The following WASF3 variants were observed in gnomAD, a reference collection of about 807,000 sequenced individuals.
WASF3 encodes actin-binding protein WASF3.
WASF3 carries 11 observed loss-of-function variants against 46.6 expected under a neutral mutation model. The ratio of observed to expected loss-of-function variants is 0.24; its 90% CI spans 0.15 to 0.39. The LOEUF (loss-of-function observed/expected upper bound fraction) is 0.39, where lower values mean the gene tolerates loss of function less well. Ranked by LOEUF, WASF3 falls within the 10% of genes least tolerant of loss-of-function variation. The probability of loss-of-function intolerance (pLI) is 1.00; values close to 1 mark genes in which losing one functional copy is unlikely to be tolerated. For synonymous variants in WASF3, 242 were observed against 259.7 expected (o/e 0.93, Z 0.65); for missense variants, 576 against 669.8 (o/e 0.86, Z 1.55).
chr13:26,665,109 G>A lies in WASF3; in HGVS notation c.215G>A (p.Arg72Lys). Residue 72 changes from arginine to lysine, a missense_variant, in exon 4 of 10, where the codon AGA becomes AAA. By Grantham distance (26) the Arg-to-Lys change is conservative. Around this residue, in one of 3 missense-constraint regions of WASF3, gnomAD observed 213 missense variants for 278.0 expected, o/e 0.77. Coordinates refer to ENST00000335327, the MANE Select transcript of WASF3 (RefSeq NM_006646.6). Reference sequence around the variant, plus strand: ...ATCAGAGCAAATTCTCTTCAAGACAGAATTGATCGCCTTGCTGTCAAAGTC... The same window carrying A: ...ATCAGAGCAAATTCTCTTCAAGACAAAATTGATCGCCTTGCTGTCAAAGTC... The part of the protein sequence containing the change: ...FYIRANSLQD[R>K]IDRLAVKVTQ... 2 of 1,614,158 alleles carry A rather than the reference G, an allele frequency of 1.2e-6. No homozygotes were observed. The highest frequency in any genetic ancestry group is 2.2e-5 in the South Asian group (2 of 91,084).
intron 2 of WASF3, among the ~76,000 whole-genome samples, chr13:26,624,374 G>A (rs868811616): frequency 3.3e-5 from 5 of 152,098 alleles, no homozygotes; most frequent in Non-Finnish European, 5.9e-5. Flanking sequence ...ATATAAAAAG[G>A]AACAGTGAAA....
At chr13:26,607,933 G>C (rs989258456) in intron 1 of WASF3, among the ~76,000 whole-genome samples, 16 of 152,202 alleles carry the variant, frequency 1.1e-4, no homozygotes, top group Non-Finnish European at 1.8e-4. Context: ...ACCGTACCCA[G>C]CTGAGTTCAG....
At position 26,569,473 on chromosome 13, in the gene WASF3, C is replaced by T. The variant is rs116244222; in HGVS notation, c.-109+11654C>T. Among the ~76,000 whole-genome samples, 866 of 152,098 alleles carry T rather than the reference C, an allele frequency of 5.7e-3. 10 individuals carry two copies. The highest frequency in any genetic ancestry group is 0.02 in the African/African-American group (819 of 41,498). ...TATCCCATGATCAAAGAAGATATTA[C>T]GGTGAGAATTAGAAAATTTTACAAA... On this transcript the variant is annotated intron_variant, in intron 1 of 9. Transcript: ENST00000335327.
chr13:26,657,870 A>G (rs192252822), intron 3 of WASF3, among the ~76,000 whole-genome samples: 129 of 152,330 alleles, frequency 8.5e-4, no homozygotes, highest in African/African-American at 3.0e-3. Flanking sequence ...TTCTCTTCAG[A>G]CACTTGTCAG....
the WASF3 span, among the ~76,000 whole-genome samples, chr13:26,552,465 G>A: frequency 4.0e-4 from 61 of 152,116 alleles, no homozygotes; most frequent in Middle Eastern, 3.4e-3. Context: ...ACGTAGATAT[G>A]GATATGTATG....
At chr13:26,634,048 T>G (rs1881739751) in intron 2 of WASF3, among the ~76,000 whole-genome samples, 2 of 152,218 alleles carry the variant, frequency 1.3e-5, no homozygotes, top group African/African-American at 4.8e-5. Flanking sequence ...ATATCCTTGT[T>G]AACCTTCTGT....
chr13:26,637,195 C>A (rs946821405), intron 2 of WASF3, among the ~76,000 whole-genome samples: 1 of 152,182 alleles, frequency 6.6e-6, no homozygotes, highest in African/African-American at 2.4e-5. Context: ...GTAATGCCTG[C>A]AGGGGGAGGG....
intron 1 of WASF3, among the ~76,000 whole-genome samples, chr13:26,572,209 C>A (rs1440620834): frequency 6.6e-6 from 1 of 152,004 alleles, no homozygotes; most frequent in Non-Finnish European, 1.5e-5. Context: ...TTGGTGAATA[C>A]CTTCAGAAAA....
At chr13:26,595,860 G>T (rs1465546412) in intron 1 of WASF3, among the ~76,000 whole-genome samples, 1 of 152,136 alleles carries the variant, frequency 6.6e-6, no homozygotes, top group Non-Finnish European at 1.5e-5. Flanking sequence ...GTTTACAATT[G>T]TATGGATATA....
intron 2 of WASF3, among the ~76,000 whole-genome samples, chr13:26,627,017 A>G (rs74469754): frequency 0.15 from 20,868 of 135,880 alleles, 1,592 homozygotes; most frequent in South Asian, 0.2. Flanking sequence ...ATAACCAAGA[A>G]AGTAGAAAGT....
intron 3 of WASF3, among the ~76,000 whole-genome samples, chr13:26,649,669 C>G (rs1882254566): frequency 6.6e-6 from 1 of 152,242 alleles, no homozygotes; most frequent in Admixed American, 6.5e-5. Flanking sequence ...AGGGCCCAGT[C>G]AGAGGGGCTT....
intron 2 of WASF3, among the ~76,000 whole-genome samples, chr13:26,630,685 T>C (rs793640): frequency 0.31 from 46,876 of 152,028 alleles, 7,609 homozygotes; most frequent in East Asian, 0.58. Context: ...AGTAATGGGA[T>C]CGCTGGGTCA....
chr13:26,680,215 C>G, intron 7 of WASF3: 1 of 1,544,834 alleles, frequency 6.5e-7, no homozygotes, highest in Non-Finnish European at 8.7e-7. Flanking sequence ...TGTTGTTTTG[C>G]TTTCTTTGGG....
intron 1 of WASF3, among the ~76,000 whole-genome samples, chr13:26,566,430 C>T (rs960843378): frequency 6.6e-6 from 1 of 152,150 alleles, no homozygotes; most frequent in African/African-American, 2.4e-5. Flanking sequence ...ATGAATACAT[C>T]AAAACCTGTA....
At position 26,599,184 on chromosome 13, in the gene WASF3, C is replaced by CTTTTTTTTTTTTT. The variant is rs57148941; in HGVS notation, c.-108-13772_-108-13760dup. On this transcript the variant is annotated intron_variant, in intron 1 of 9. Coordinates refer to ENST00000335327, the MANE Select transcript of WASF3 (RefSeq NM_006646.6). ...GCCTGCCCTGCTCTTCTTTTCATTT[C>CTTTTTTTTTTTTT]TTTTTTTTTTTTTTTTTGAGACGGA... Among the ~76,000 whole-genome samples, 3 of 118,288 alleles carry CTTTTTTTTTTTTT rather than the reference C, an allele frequency of 2.5e-5. 1 individual carries two copies. Among genetic ancestry groups the CTTTTTTTTTTTTT allele is most frequent in the Admixed American group, 2.0e-4 (2 of 10,118 alleles). 77.6% of individuals were successfully genotyped at this position (118,288 alleles called of 152,430 possible).
intron 1 of WASF3, among the ~76,000 whole-genome samples, chr13:26,588,298 A>G (rs1880188664): frequency 6.6e-6 from 1 of 152,254 alleles, no homozygotes. Context: ...GTTTGTTTGT[A>G]TGCTAAATGG....
rs920178380 is a variant in WASF3, at chr13:26,685,930, C to A, written c.*85C>A. On this transcript the variant is annotated 3_prime_UTR_variant, in exon 10 of 10. Coordinates refer to ENST00000335327, the MANE Select transcript of WASF3 (RefSeq NM_006646.6). ...CACCCAAATAGTGGTATTCTAATCC[C>A]GTAGCATAGCACCTTTTGTATAAAC... 2 of 1,509,972 alleles carry A rather than the reference C, an allele frequency of 1.3e-6. No homozygotes were observed. The highest frequency in any genetic ancestry group is 1.4e-5 in the African/African-American group (1 of 72,622). The allele number at this position is 1,509,972 out of a possible 1,614,324, so 93.5% of individuals were successfully genotyped here. A position where few individuals can be genotyped will look rare whatever the true frequency, so the allele number is the denominator to read the frequency against.
chr13:26,554,115 C>CTTTCTT (rs1879043087), upstream of WASF3, among the ~76,000 whole-genome samples: 1 of 125,690 alleles, frequency 8.0e-6, no homozygotes, highest in Non-Finnish European at 1.6e-5. Context: ...TTCTTTCTTT[C>CTTTCTT]TTTCTTTCTT....
chr13:26,588,361 A>C (rs1880189727), intron 1 of WASF3, among the ~76,000 whole-genome samples: 1 of 152,226 alleles, frequency 6.6e-6, no homozygotes, highest in Non-Finnish European at 1.5e-5. Context: ...TTCACTGTTT[A>C]AAAACACAAC....
Sources: allele counts gnomAD v4.1 joint callset (sites outside exome capture counted in the v4.1 genomes callset), GRCh38; gene constraint gnomAD v4.1.1; regional missense constraint gnomAD v4.1.1; transcripts MANE v1.5; gene names NCBI Gene and HGNC (gene_info 2026-07-23, HGNC 2026-07-21).